USP37: variants seen among roughly 807,000 people sequenced by gnomAD.
The protein encoded by USP37 is ubiquitin specific peptidase 37.
In USP37, 27 loss-of-function variants were observed where a neutral mutation model predicts 124.0. The ratio of observed to expected loss-of-function variants is 0.22; its 90% CI spans 0.16 to 0.30. The LOEUF is 0.30. Among genes scored for constraint, USP37 ranks in the 10% least tolerant of loss-of-function variants. The probability of loss-of-function intolerance (pLI) is 1.00; values close to 1 mark genes in which losing one functional copy is unlikely to be tolerated. For synonymous variants in USP37, 365 were observed against 388.0 expected, an observed-to-expected ratio of 0.94 and a Z score of 0.70; for missense variants, 889 against 1,140.4, an observed-to-expected ratio of 0.78 and a Z score of 3.17.
At chr2:218,539,424 C>A (rs79813369) in intron 8 of USP37, among the ~76,000 whole-genome samples, 36 of 152,174 alleles carry the variant, frequency 2.4e-4, no homozygotes, top group Non-Finnish European at 4.4e-4. Flanking sequence ...GCATAAGATT[C>A]TTTTTATTGG....
At chr2:218,478,311 G>A (rs1691081869) in intron 18 of USP37, among the ~76,000 whole-genome samples, 1 of 152,042 alleles carries the variant, frequency 6.6e-6, no homozygotes, top group Non-Finnish European at 1.5e-5. Flanking sequence ...TAGCCAATTA[G>A]CCATCTTAAT....
chr2:218,519,301 C>T (rs1690465162), intron 10 of USP37, among the ~76,000 whole-genome samples: 1 of 152,100 alleles, frequency 6.6e-6, no homozygotes, highest in African/African-American at 2.4e-5. Flanking sequence ...GGATACTAGC[C>T]ACTTATAATC....
chr2:218,497,764 T>A lies in USP37; in HGVS notation c.1251A>T (p.Thr417=), dbSNP rs139711346. 40 of 1,614,182 alleles carry A rather than the reference T, an allele frequency of 2.5e-5. No individual in the cohort carries two copies. In the African/African-American group the frequency reaches 4.4e-4, roughly 18 times the overall value. Reference sequence around the variant, plus strand: ...GCATATAACCAGAGAATCTCTCTGCTGTAGCTGAAATGGCATTTTTAACCT... The same window carrying A: ...GCATATAACCAGAGAATCTCTCTGCAGTAGCTGAAATGGCATTTTTAACCT... ...LKKVKNAISA[T]AERFSGYMQN... is the part of the protein sequence containing the mutation. The change falls in exon 13 of 26, where the codon ACA becomes ACT. Residue 417 remains threonine, a synonymous_variant. Transcript: ENST00000258399.
chr2:218,494,772 T>C (rs1408399202), intron 14 of USP37, among the ~76,000 whole-genome samples: 4 of 152,140 alleles, frequency 2.6e-5, no homozygotes, highest in African/African-American at 9.7e-5. Flanking sequence ...TATTTTAAAG[T>C]GATGTGCAGG....
At chr2:218,490,588 A>C (rs55770141) in intron 14 of USP37, among the ~76,000 whole-genome samples, 5,334 of 152,300 alleles carry the variant, frequency 0.035, 151 homozygotes, top group South Asian at 0.075. Flanking sequence ...CTACTGTTAC[A>C]GCTAAAGACT....
intron 14 of USP37, among the ~76,000 whole-genome samples, chr2:218,489,504 G>A (rs536651383): frequency 1.5e-4 from 22 of 151,428 alleles, no homozygotes; most frequent in African/African-American, 3.1e-4. Flanking sequence ...TTTTTGAGGC[G>A]GAGTTCTGCT....
intron 14 of USP37, among the ~76,000 whole-genome samples, chr2:218,492,593 T>C (rs1688848065): frequency 7.2e-5 from 11 of 152,170 alleles, no homozygotes; most frequent in Admixed American, 7.2e-4. Flanking sequence ...AAACAAGAGA[T>C]GATAGTGGCT....
In USP37 at chr2:218,479,718, A is replaced by G. The variant is rs1374906354; in HGVS notation, c.1836-3T>C. The G allele has an allele frequency of 6.3e-7, 1 of 1,577,562 alleles. No homozygotes were observed. The highest frequency in any genetic ancestry group is 1.2e-5 in the South Asian group (1 of 84,420). On this transcript the variant is annotated splice_polypyrimidine_tract_variant and splice_region_variant and intron_variant, in intron 17 of 25. Coordinates refer to ENST00000258399, the MANE Select transcript of USP37 (RefSeq NM_020935.3). ...GAGAGGCTTTCAATGGTCTAGAACT[A>G]TCAGAAAATTAGAAAATATATAATG...
rs538151901 is a variant in USP37, at chr2:218,546,059, A to G, written c.680+162T>C. ...ATAGCACTGGCTAATTTCCCTCTCT[A>G]TTGAGCCTACAGTCTACTGTCACCA... On this transcript the variant is annotated intron_variant, in intron 8 of 25. Coordinates refer to ENST00000258399, the MANE Select transcript of USP37 (RefSeq NM_020935.3). Among the ~76,000 whole-genome samples, 7 of 152,304 alleles carry G rather than the reference A, an allele frequency of 4.6e-5. No homozygotes were observed. In the East Asian group the frequency reaches 9.6e-4, roughly 21 times the overall value.
chr2:218,473,714 T>C (rs1204781901), intron 20 of USP37, among the ~76,000 whole-genome samples: 1 of 152,206 alleles, frequency 6.6e-6, no homozygotes, highest in Non-Finnish European at 1.5e-5. Flanking sequence ...CTCAGCTCTG[T>C]TGTTCCCACT....
intron 14 of USP37, among the ~76,000 whole-genome samples, chr2:218,492,762 A>AT (rs1688857229): frequency 1.3e-5 from 2 of 152,184 alleles, no homozygotes; most frequent in Admixed American, 1.3e-4. Flanking sequence ...AACTCCAGCA[A>AT]TTTGGGAGGC....
chr2:218,497,658 C>G (rs1413655816), intron 13 of USP37, 76 bp downstream of exon 13: 2 of 1,579,150 alleles, frequency 1.3e-6, no homozygotes, highest in East Asian at 4.5e-5. Flanking sequence ...CCACCTAGGC[C>G]TCCCAAAGTG....
chr2:218,483,299 G>C lies in USP37; in HGVS notation c.1671-1065C>G, dbSNP rs953586297. 4.3e-5 allele frequency among the ~76,000 whole-genome samples: 6 copies of C among 138,314 alleles called. 1 individual carries two copies. The highest frequency in any genetic ancestry group is 2.1e-4 in the African/African-American group (6 of 29,246). The allele number at this position is 138,314 out of a possible 152,430, so 90.7% of individuals were successfully genotyped here. ...GCTATGCATGGAGCAGTAAAAGGTG[G>C]GGGGGAAGGTAATATAAAACAGGAA... On this transcript the variant is annotated intron_variant, in intron 16 of 25. Transcript: ENST00000258399.
intron 10 of USP37, among the ~76,000 whole-genome samples, chr2:218,516,650 A>G (rs1314787503): frequency 6.6e-6 from 1 of 152,188 alleles, no homozygotes. Context: ...TGGCACATGT[A>G]TACCTATGTA....
chr2:218,556,268 T>C (rs971542774), intron 4 of USP37, among the ~76,000 whole-genome samples: 2 of 152,048 alleles, frequency 1.3e-5, no homozygotes, highest in Non-Finnish European at 2.9e-5. Context: ...TTTGTCTACA[T>C]ACAGAAATCA....
intron 15 of USP37, among the ~76,000 whole-genome samples, chr2:218,487,875 C>T (rs11678428): frequency 0.47 from 70,844 of 151,542 alleles, 19,759 homozygotes; most frequent in East Asian, 0.78. Flanking sequence ...GTTTTCCCCA[C>T]GAATAATGTT....
At chr2:218,557,593 T>C (rs1043149194) in intron 4 of USP37, among the ~76,000 whole-genome samples, 3 of 102,994 alleles carry the variant, frequency 2.9e-5, no homozygotes, top group Non-Finnish European at 6.0e-5. Context: ...CAATAGAATA[T>C]TTTAGAACGG....
chr2:218,451,641 A>G lies in USP37; in HGVS notation c.*3289T>C, dbSNP rs999122604. On this transcript the variant is annotated 3_prime_UTR_variant, in exon 26 of 26. Coordinates refer to ENST00000258399, the MANE Select transcript of USP37 (RefSeq NM_020935.3). ...ACACACGATACAGAAGAATCAGTAA[A>G]TTCATGGATTATTTTGCTGAGGTTT... 1 of 152,148 alleles carries G rather than the reference A, an allele frequency of 6.6e-6. No homozygotes were observed. Among genetic ancestry groups the G allele is most frequent in the Non-Finnish European group, 1.5e-5 (1 of 68,030 alleles). 9.4% of individuals were successfully genotyped at this position (152,148 alleles called of 1,614,324 possible).
intron 22 of USP37, among the ~76,000 whole-genome samples, chr2:218,462,624 G>T (rs74711087): frequency 0.016 from 2,496 of 152,174 alleles, 64 homozygotes; most frequent in African/African-American, 0.056. Flanking sequence ...GCCACATTAT[G>T]TTCTTCTAGG....
Sources: allele counts gnomAD v4.1 joint callset (sites outside exome capture counted in the v4.1 genomes callset), GRCh38; gene constraint gnomAD v4.1.1; transcripts MANE v1.5; gene names NCBI Gene and HGNC (gene_info 2026-07-23, HGNC 2026-07-21).